ZUP1: variants seen among roughly 807,000 people sequenced by gnomAD.
The protein encoded by ZUP1 is zinc finger-containing ubiquitin peptidase 1.
ZUP1 carries 55 observed loss-of-function variants against 68.1 expected under a neutral mutation model. That is an observed-to-expected ratio of 0.81 (90% confidence interval 0.65 to 1.01). ZUP1 has a LOEUF of 1.01. Among genes scored for constraint, ZUP1 ranks in the 50% least tolerant of loss-of-function variants. The probability of loss-of-function intolerance (pLI) is 0.00; values close to 1 mark genes in which losing one functional copy is unlikely to be tolerated. For missense variants in ZUP1, 684 were observed against 674.9 expected, an observed-to-expected ratio of 1.01 and a Z score of -0.15; for synonymous variants, 223 against 221.5, an observed-to-expected ratio of 1.01 and a Z score of -0.06.
At chr6:116,638,692 T>C (rs2115376273) in intron 9 of ZUP1, among the ~76,000 whole-genome samples, 1 of 152,220 alleles carries the variant, frequency 6.6e-6, no homozygotes, top group East Asian at 1.9e-4. Flanking sequence ...TTAAACACTT[T>C]TGGAGGAGGA....
intron 9 of ZUP1, among the ~76,000 whole-genome samples, chr6:116,640,182 A>C (rs1776051269): frequency 6.6e-6 from 1 of 152,132 alleles, no homozygotes; most frequent in Admixed American, 6.5e-5. Context: ...GAAATATGGG[A>C]CTATGTGAAA....
chr6:116,651,335 A>G (rs113394729), intron 7 of ZUP1, among the ~76,000 whole-genome samples: 68 of 152,302 alleles, frequency 4.5e-4, no homozygotes, highest in African/African-American at 1.5e-3. Context: ...ATAAACCAAG[A>G]AACAGCTATG....
At chr6:116,665,658 C>T (rs537411582) in intron 2 of ZUP1, among the ~76,000 whole-genome samples, 1 of 148,002 alleles carries the variant, frequency 6.8e-6, no homozygotes, top group South Asian at 2.1e-4. Context: ...TGGCTCACTG[C>T]AGCGTCCACT....
intron 2 of ZUP1, among the ~76,000 whole-genome samples, chr6:116,661,913 T>C (rs575763167): frequency 6.6e-6 from 1 of 152,164 alleles, no homozygotes; most frequent in South Asian, 2.1e-4. Context: ...AAAAGTTACC[T>C]GTGAAGAAAT....
chr6:116,661,081 G>A (rs1353315827), intron 2 of ZUP1, among the ~76,000 whole-genome samples: 7 of 151,196 alleles, frequency 4.6e-5, no homozygotes, highest in Non-Finnish European at 5.9e-5. Flanking sequence ...TCACTATGTC[G>A]TCCAGGCTGG....
chr6:116,650,934 A>C (rs1426050740), intron 7 of ZUP1, among the ~76,000 whole-genome samples: 2 of 151,932 alleles, frequency 1.3e-5, no homozygotes, highest in Non-Finnish European at 2.9e-5. Flanking sequence ...ACACACACAC[A>C]AAACAGTGAA....
At chr6:116,639,820 G>A (rs1055648335) in intron 9 of ZUP1, among the ~76,000 whole-genome samples, 5 of 152,328 alleles carry the variant, frequency 3.3e-5, no homozygotes, top group South Asian at 2.1e-4. Context: ...CACCAGCAAC[G>A]GAACAAAGCT....
chr6:116,667,367 A>T (rs998203514), intron 1 of ZUP1, among the ~76,000 whole-genome samples, 160 bp from the exon 2 acceptor site: 1 of 152,228 alleles, frequency 6.6e-6, no homozygotes, highest in Non-Finnish European at 1.5e-5. Context: ...ATTTATAAAT[A>T]TCAACCAAAA....
In ZUP1 at chr6:116,667,053, TG is replaced by T. The variant is rs1001503350; in HGVS notation, c.139del (p.His47IlefsTer19). 6.2e-6 allele frequency: 10 copies of T among 1,613,856 alleles called. No individual in the cohort carries two copies. The highest frequency in any genetic ancestry group is 8.5e-6 in the Non-Finnish European group (10 of 1,179,886). Reference protein sequence around the residue: ...SGVNYDEMCFHIETAHFEQNT... With the variant: ...SGVNYDEMCFXIETAHFEQNT... ...CTGCTCAAAATGAGCTGTTTCGATA[TG>T]AAAACACATTTCATCATAATTCACA... On this transcript the variant is annotated frameshift_variant, in exon 2 of 10. Transcript: ENST00000368576. LOFTEE classifies it high-confidence loss of function.
intron 1 of ZUP1, among the ~76,000 whole-genome samples, chr6:116,667,836 T>C (rs551057457): frequency 1.6e-4 from 24 of 152,136 alleles, no homozygotes; most frequent in Non-Finnish European, 3.1e-4. Context: ...AGAAGTGGTA[T>C]AGTAGAAAAA....
In ZUP1 at chr6:116,645,759, G is replaced by C. The variant is rs1374322729; in HGVS notation, c.1644C>G (p.Tyr548Ter). The part of the protein sequence containing the change: ...KSMGNLKHKQ[Y>*]QILAVEGALS... ...GAGCACCCTCTACTGCCAATATCTGGTATTGCTTATGTTTTAAATTTCCCA... is the reference window on the plus strand; with the variant it reads ...GAGCACCCTCTACTGCCAATATCTGCTATTGCTTATGTTTTAAATTTCCCA... Residue 548 changes from tyrosine to a stop codon, truncating the protein, a stop_gained, in exon 9 of 10, where the codon TAC (tyrosine) becomes TAG (stop). Coordinates refer to ENST00000368576, the MANE Select transcript of ZUP1 (RefSeq NM_145062.3). LOFTEE classifies it high-confidence loss of function. The C allele has an allele frequency of 6.2e-6, 10 of 1,613,604 alleles. No individual in the cohort carries two copies. The highest frequency in any genetic ancestry group is 8.5e-6 in the Non-Finnish European group (10 of 1,179,884).
intron 5 of ZUP1, among the ~76,000 whole-genome samples, chr6:116,653,019 C>T (rs1254608920): frequency 2.0e-5 from 3 of 151,988 alleles, no homozygotes; most frequent in Non-Finnish European, 4.4e-5. Context: ...CTTTTTAATA[C>T]ACCTGGCACT....
At position 116,635,750 on chromosome 6, in the gene ZUP1, AATTGT is replaced by A; in HGVS notation, c.*77_*81del. ...GACTTAAGAGAATTCACAGATTCAT[AATTGT>A]ATTAAGGAGTTCAATATCTACATTT... On this transcript the variant is annotated 3_prime_UTR_variant, in exon 10 of 10. Transcript: ENST00000368576. 1 of 1,074,918 alleles carries A rather than the reference AATTGT, an allele frequency of 9.3e-7. No individual in the cohort carries two copies. The highest frequency in any genetic ancestry group is 1.3e-6 in the Non-Finnish European group (1 of 747,270). The allele number at this position is 1,074,918 out of a possible 1,614,324, so 66.6% of individuals were successfully genotyped here. A position where few individuals can be genotyped will look rare whatever the true frequency, so the allele number is the denominator to read the frequency against.
intron 1 of ZUP1, among the ~76,000 whole-genome samples, chr6:116,667,763 G>T (rs564581678): frequency 2.6e-5 from 4 of 152,214 alleles, no homozygotes; most frequent in African/African-American, 7.2e-5. Flanking sequence ...GAAAAAGGTG[G>T]AAGCCAAAAT....
At chr6:116,661,686 T>C (rs898011708) in intron 2 of ZUP1, among the ~76,000 whole-genome samples, 1 of 152,190 alleles carries the variant, frequency 6.6e-6, no homozygotes, top group African/African-American at 2.4e-5. Context: ...CCCAGAATTG[T>C]GCATATACAC....
chr6:116,647,442 G>A lies in ZUP1; in HGVS notation c.1468+17C>T, dbSNP rs778734270. The A allele has an allele frequency of 1.3e-6, 2 of 1,503,658 alleles. No individual in the cohort carries two copies. Among genetic ancestry groups the A allele is most frequent in the Non-Finnish European group, 1.8e-6 (2 of 1,113,792 alleles). The allele number at this position is 1,503,658 out of a possible 1,614,324, so 93.1% of individuals were successfully genotyped here. A position where few individuals can be genotyped will look rare whatever the true frequency, so the allele number is the denominator to read the frequency against. On this transcript the variant is annotated intron_variant, in intron 8 of 9. Transcript: ENST00000368576. The stretch of plus-strand genomic sequence containing the variant: ...TTATAAACAACATTGTCAAATATGA[G>A]TTATATTAATACTAACCTTGATGCT...
intron 7 of ZUP1, among the ~76,000 whole-genome samples, chr6:116,648,682 C>T (rs1365140066): frequency 6.6e-6 from 1 of 152,052 alleles, no homozygotes; most frequent in Non-Finnish European, 1.5e-5. Flanking sequence ...AAAATTACGG[C>T]TGGGTGCAGT....
chr6:116,666,820 CA>C lies in ZUP1; in HGVS notation c.372del (p.Glu125AsnfsTer6), dbSNP rs1312377899. 2 of 1,612,804 alleles carry C rather than the reference CA, an allele frequency of 1.2e-6. No individual in the cohort carries two copies. The highest frequency in any genetic ancestry group is 2.2e-5 in the South Asian group (2 of 90,680). ...KHEGFYSENLTESRKFLKSRE... is the reference protein window; with the variant it reads ...KHEGFYSENLXESRKFLKSRE... ...CTACTTTTCAGGAATTTTCTAGATTCAGTTAAGTTCTCTGAATAGAAGCCTT... is the reference window on the plus strand; with the variant it reads ...CTACTTTTCAGGAATTTTCTAGATTCGTTAAGTTCTCTGAATAGAAGCCTT... On this transcript the variant is annotated frameshift_variant, in exon 2 of 10. Transcript: ENST00000368576. LOFTEE classifies it high-confidence loss of function.
Position 116,651,688 on chromosome 6 carries a change from T to C in ZUP1, c.1200A>G (p.Ala400=), listed in dbSNP as rs1185196539. The C allele has an allele frequency of 6.2e-6, 10 of 1,613,890 alleles. No homozygotes were observed. Among genetic ancestry groups the C allele is most frequent in the Admixed American group, 1.7e-5 (1 of 60,026 alleles). ...CCTGAGGATCAAAACCTTCCTTCCA[T>C]GCATCTTCAATCATAGATTGAATTT... ...IPKIQSMIED[A]WKEGFDPQGA... The change falls in exon 7 of 10, where the codon GCA becomes GCG. Residue 400 remains alanine (A), a synonymous_variant. Coordinates refer to ENST00000368576, the MANE Select transcript of ZUP1 (RefSeq NM_145062.3).
Sources: gnomAD v4.1 joint callset for allele counts (sites outside exome capture counted in the v4.1 genomes callset) on GRCh38, gnomAD v4.1.1 for gene constraint, MANE v1.5 for transcripts, NCBI Gene and HGNC (gene_info 2026-07-23, HGNC 2026-07-21) for gene names.